PAX5: variants seen among roughly 807,000 people sequenced by gnomAD.
PAX5 encodes paired box protein Pax-5.
Under a neutral mutation model 43.7 loss-of-function variants are expected in PAX5, and 9 were observed. The ratio of observed to expected loss-of-function variants is 0.21; its 90% CI spans 0.12 to 0.36. The LOEUF (loss-of-function observed/expected upper bound fraction) is 0.36. PAX5 is among the 10% of genes least tolerant of loss of function. The pLI, the probability that PAX5 is intolerant of heterozygous loss-of-function variation, is 1.00. For missense variants in PAX5, 383 were observed against 532.7 expected (o/e 0.72, Z 2.77); for synonymous variants, 228 against 214.3 (o/e 1.06, Z -0.56).
chr9:36,985,108 C>G (rs1013268063), intron 5 of PAX5, among the ~76,000 whole-genome samples: 1 of 152,244 alleles, frequency 6.6e-6, no homozygotes, highest in African/African-American at 2.4e-5. Context: ...TCCACTGCAT[C>G]ATGCTGCCTC....
chr9:36,852,244 C>T (rs560726362), intron 8 of PAX5, among the ~76,000 whole-genome samples: 1 of 152,282 alleles, frequency 6.6e-6, no homozygotes, highest in South Asian at 2.1e-4. Flanking sequence ...GCCCCTTCAC[C>T]CTTTGATCCT....
At chr9:36,997,070 G>T (rs1328657129) in intron 5 of PAX5, among the ~76,000 whole-genome samples, 2 of 152,150 alleles carry the variant, frequency 1.3e-5, no homozygotes, top group East Asian at 1.9e-4. Context: ...AAAACAGACA[G>T]GAGACAGGCA....
chr9:36,894,067 C>T (rs1003984795), intron 7 of PAX5, among the ~76,000 whole-genome samples: 8 of 152,196 alleles, frequency 5.3e-5, no homozygotes, highest in Admixed American at 3.9e-4. Flanking sequence ...GATCGAGACC[C>T]GCCACGCCCC....
chr9:37,004,146 A>T (rs1342241690), intron 4 of PAX5, among the ~76,000 whole-genome samples: 1 of 152,220 alleles, frequency 6.6e-6, no homozygotes, highest in African/African-American at 2.4e-5. Flanking sequence ...CCGCCCAGAA[A>T]TAGGGGCAGT....
intron 5 of PAX5, among the ~76,000 whole-genome samples, chr9:36,989,463 T>C (rs1169064544): frequency 6.7e-6 from 1 of 150,192 alleles, no homozygotes; most frequent in Non-Finnish European, 1.5e-5. Flanking sequence ...ACAGTGGTTG[T>C]GAGTATTACA....
chr9:36,853,604 A>G (rs142957822), intron 8 of PAX5, among the ~76,000 whole-genome samples: 271 of 152,374 alleles, frequency 1.8e-3, no homozygotes, highest in African/African-American at 6.3e-3. Context: ...CACAGAGAGA[A>G]AGCAGAGCCT....
intron 1 of PAX5, among the ~76,000 whole-genome samples, chr9:37,025,432 C>T (rs1009034914): frequency 7.3e-6 from 1 of 137,766 alleles, no homozygotes; most frequent in Admixed American, 7.1e-5. Context: ...TGGGGGGGAG[C>T]GGGGTGGGAG....
At chr9:36,949,469 G>T (rs935140838) in intron 6 of PAX5, among the ~76,000 whole-genome samples, 1 of 152,182 alleles carries the variant, frequency 6.6e-6, no homozygotes, top group Non-Finnish European at 1.5e-5. Flanking sequence ...AGGAAGAAAA[G>T]TTCGTATTTG....
intron 6 of PAX5, among the ~76,000 whole-genome samples, chr9:36,942,264 G>C (rs3780157): frequency 0.23 from 35,271 of 152,110 alleles, 4,482 homozygotes; most frequent in East Asian, 0.57. Flanking sequence ...GAAGGGGAAA[G>C]ACTTGATCAA....
chr9:36,941,233 C>A (rs1268336720), intron 6 of PAX5, among the ~76,000 whole-genome samples: 1 of 152,208 alleles, frequency 6.6e-6, no homozygotes, highest in Non-Finnish European at 1.5e-5. Context: ...AGCTACCTAT[C>A]TGTGGAACAC....
At chr9:36,841,558 C>T (rs1330954608) in intron 9 of PAX5, among the ~76,000 whole-genome samples, 2 of 152,254 alleles carry the variant, frequency 1.3e-5, no homozygotes, top group African/African-American at 2.4e-5. Context: ...CTGCACTTCC[C>T]CCATCCCCAG....
At chr9:37,007,399 A>G (rs1165296762) in intron 3 of PAX5, 1 of 152,248 alleles carries the variant, frequency 6.6e-6, no homozygotes, top group Non-Finnish European at 1.5e-5. Context: ...AAGAGATAAT[A>G]GCAGTACTGC....
At chr9:37,031,674 C>T (rs777596069) in intron 1 of PAX5, among the ~76,000 whole-genome samples, 13 of 152,076 alleles carry the variant, frequency 8.5e-5, no homozygotes, top group Non-Finnish European at 1.3e-4. Flanking sequence ...TCGAACAAGT[C>T]CCTTCCCCTC....
chr9:36,989,077 G>A (rs926657693), intron 5 of PAX5, among the ~76,000 whole-genome samples: 1 of 152,224 alleles, frequency 6.6e-6, no homozygotes, highest in Non-Finnish European at 1.5e-5. Context: ...TGACCAACTT[G>A]CAGGTGTGAC....
chr9:37,015,262 CG>C lies in PAX5; in HGVS notation c.213-69del. ...AAAGTGGATATTGGCAACAAAATAACGGGCTACTCTGGCCAGGAAACGTCCG... is the reference window on the plus strand; with the variant it reads ...AAAGTGGATATTGGCAACAAAATAACGGCTACTCTGGCCAGGAAACGTCCG... On this transcript the variant is annotated intron_variant, in intron 2 of 9. Transcript: ENST00000358127. This position sits in a 1 kb window ranked among gnomAD's most constrained non-coding sequence, Gnocchi z 4.4. The C allele has an allele frequency of 7.1e-7, 1 of 1,402,330 alleles. No homozygotes were observed. Among genetic ancestry groups the C allele is most frequent in the Non-Finnish European group, 1.0e-6 (1 of 992,462 alleles). 86.9% of individuals were successfully genotyped at this position (1,402,330 alleles called of 1,614,324 possible).
chr9:37,032,694 T>C (rs749021845), intron 1 of PAX5, among the ~76,000 whole-genome samples: 1 of 152,220 alleles, frequency 6.6e-6, no homozygotes, highest in Non-Finnish European at 1.5e-5. Context: ...GGGGGCTTCT[T>C]GCCAGGGCCA....
intron 8 of PAX5, among the ~76,000 whole-genome samples, chr9:36,853,958 C>A (rs568486013): frequency 2.6e-5 from 4 of 152,240 alleles, no homozygotes; most frequent in Admixed American, 6.5e-5. Flanking sequence ...ATTTGCAGAG[C>A]GCACTGGGGG....
intron 6 of PAX5, among the ~76,000 whole-genome samples, chr9:36,952,428 C>T (rs890446322): frequency 7.3e-5 from 11 of 151,686 alleles, no homozygotes; most frequent in Admixed American, 6.6e-4. Flanking sequence ...TTAGTAGAGA[C>T]GGGGTTTCAA....
intron 5 of PAX5, among the ~76,000 whole-genome samples, chr9:36,973,523 T>C (rs1020558087): frequency 2.0e-5 from 3 of 152,296 alleles, no homozygotes. Flanking sequence ...CAAAACAACC[T>C]ATAAAGTAGA....
Sources: allele counts gnomAD v4.1 joint callset (sites outside exome capture counted in the v4.1 genomes callset), GRCh38; gene constraint gnomAD v4.1.1; non-coding constraint Gnocchi (gnomAD v3.1); transcripts MANE v1.5; gene names NCBI Gene and HGNC (gene_info 2026-07-23, HGNC 2026-07-21).